The following CAMK1D variants were observed in gnomAD, a reference collection of about 807,000 sequenced individuals.
The protein encoded by CAMK1D is calcium/calmodulin-dependent protein kinase type 1D.
Under a neutral mutation model 47.7 loss-of-function variants are expected in CAMK1D, and 9 were observed. The observed-to-expected ratio is 0.19, with a 90% CI of 0.11 to 0.33. The LOEUF is 0.33. CAMK1D is among the 10% of genes least tolerant of loss of function. CAMK1D has a pLI of 1.00. For missense variants in CAMK1D, 291 were observed against 488.7 expected, an observed-to-expected ratio of 0.60 and a Z score of 3.81; for synonymous variants, 184 against 184.9, an observed-to-expected ratio of 0.99 and a Z score of 0.04.
At chr10:12,463,779 C>T (rs540458055) in intron 1 of CAMK1D, among the ~76,000 whole-genome samples, 31 of 152,050 alleles carry the variant, frequency 2.0e-4, no homozygotes, top group African/African-American at 7.2e-4. Flanking sequence ...CCCCATAATC[C>T]GCAGGTGTCA....
rs372965512 is a variant in CAMK1D, at chr10:12,639,571, TC to T, written c.225-27159del. Among the ~76,000 whole-genome samples, 250 of 152,062 alleles carry T rather than the reference TC, an allele frequency of 1.6e-3. 1 individual carries two copies. The Middle Eastern group carries it at 0.017, about 10-fold the overall frequency. ...AAATTTTTTTTTTAAATTTAATTTT[TC>T]CCCCCAAACCCAAGGAAGCCTCAGG... is the stretch of plus-strand genomic sequence containing the variant. On this transcript the variant is annotated intron_variant, in intron 2 of 10. Transcript: ENST00000619168.
intron 1 of CAMK1D, among the ~76,000 whole-genome samples, chr10:12,517,696 C>T (rs1284595836): frequency 2.6e-5 from 4 of 151,986 alleles, no homozygotes; most frequent in Non-Finnish European, 4.4e-5. Context: ...ATGTTGAACC[C>T]GCTTTGTATT....
chr10:12,606,494 G>A (rs544925633), intron 2 of CAMK1D, among the ~76,000 whole-genome samples: 1 of 152,334 alleles, frequency 6.6e-6, no homozygotes, highest in South Asian at 2.1e-4. Context: ...CCCTCCCTGG[G>A]CAGGGCTCAG....
At chr10:12,753,217 A>G (rs1836069700) in intron 3 of CAMK1D, among the ~76,000 whole-genome samples, 1 of 152,268 alleles carries the variant, frequency 6.6e-6, no homozygotes, top group Admixed American at 6.5e-5. Context: ...GTGCCACTGC[A>G]TACCAAGTAC....
chr10:12,819,999 G>A (rs2482025), intron 8 of CAMK1D, among the ~76,000 whole-genome samples: 114,844 of 151,780 alleles, frequency 0.76, 43,733 homozygotes, highest in East Asian at 0.83. Context: ...GGAAGATTGT[G>A]CTAGGAGGAG....
chr10:12,376,802 G>A (rs959542766), intron 1 of CAMK1D, among the ~76,000 whole-genome samples: 2 of 150,752 alleles, frequency 1.3e-5, no homozygotes, highest in African/African-American at 4.9e-5. Flanking sequence ...CGCCCAGGCT[G>A]GAGTACAGTG....
At chr10:12,805,940 C>A (rs1402975316) in intron 6 of CAMK1D, among the ~76,000 whole-genome samples, 2 of 152,212 alleles carry the variant, frequency 1.3e-5, no homozygotes, top group Non-Finnish European at 2.9e-5. Flanking sequence ...AGACAGAAAC[C>A]AACACGCATG....
At chr10:12,679,630 C>A (rs1416166568) in intron 3 of CAMK1D, among the ~76,000 whole-genome samples, 1 of 152,182 alleles carries the variant, frequency 6.6e-6, no homozygotes, top group Non-Finnish European at 1.5e-5. Flanking sequence ...TTCCTCATGC[C>A]CTGCAAGTGC....
chr10:12,385,749 T>TA (rs1479814938), intron 1 of CAMK1D, among the ~76,000 whole-genome samples: 1 of 145,130 alleles, frequency 6.9e-6, no homozygotes, highest in Non-Finnish European at 1.5e-5. Flanking sequence ...CTTTTTTTTT[T>TA]TTTTTTTTTT....
At chr10:12,498,844 G>T (rs534570308) in intron 1 of CAMK1D, among the ~76,000 whole-genome samples, 2 of 152,252 alleles carry the variant, frequency 1.3e-5, no homozygotes, top group Non-Finnish European at 2.9e-5. Flanking sequence ...GTTCAATTTA[G>T]TACTTTGCAG....
intron 1 of CAMK1D, among the ~76,000 whole-genome samples, chr10:12,504,129 CTG>C (rs375226417): frequency 0.13 from 19,005 of 145,796 alleles, 1,513 homozygotes; most frequent in East Asian, 0.36. Flanking sequence ...GTGTGTGTGT[CTG>C]TGTGTGTGTG....
At chr10:12,404,676 C>G (rs1163730150) in intron 1 of CAMK1D, among the ~76,000 whole-genome samples, 1 of 151,204 alleles carries the variant, frequency 6.6e-6, no homozygotes, top group East Asian at 1.9e-4. Flanking sequence ...CCGTAATGAC[C>G]AAGAAAACTG....
chr10:12,625,734 T>C (rs137867078), intron 2 of CAMK1D, among the ~76,000 whole-genome samples: 306 of 151,860 alleles, frequency 2.0e-3, no homozygotes, highest in African/African-American at 7.3e-3. Context: ...TTTTAATGTG[T>C]GTATTCAGTC....
At chr10:12,622,841 G>A (rs1351660783) in intron 2 of CAMK1D, among the ~76,000 whole-genome samples, 2 of 151,992 alleles carry the variant, frequency 1.3e-5, no homozygotes, top group Non-Finnish European at 2.9e-5. Flanking sequence ...TAGAGGGGAG[G>A]ATGTAGGAGT....
chr10:12,438,378 T>C (rs983873134), intron 1 of CAMK1D, among the ~76,000 whole-genome samples: 2 of 152,254 alleles, frequency 1.3e-5, no homozygotes, highest in Non-Finnish European at 2.9e-5. Flanking sequence ...GATGGAATTA[T>C]ACATGTGGCT....
chr10:12,523,540 G>C, intron 1 of CAMK1D, among the ~76,000 whole-genome samples: 1 of 151,920 alleles, frequency 6.6e-6, no homozygotes, highest in Non-Finnish European at 1.5e-5. Flanking sequence ...GTTAGGAGCT[G>C]GAGACCAGCC....
At chr10:12,666,129 TG>T (rs1840422164) in intron 2 of CAMK1D, among the ~76,000 whole-genome samples, 1 of 152,058 alleles carries the variant, frequency 6.6e-6, no homozygotes, top group Admixed American at 6.5e-5. Context: ...TGAGTAGCAC[TG>T]ATCTAGTTTG....
chr10:12,783,975 A>T (rs185504581), intron 5 of CAMK1D, among the ~76,000 whole-genome samples: 134 of 152,202 alleles, frequency 8.8e-4, no homozygotes, highest in Non-Finnish European at 1.7e-3. Context: ...CTCCTTGGAC[A>T]CTCTGGTGAG....
chr10:12,494,339 T>C (rs1834472840), intron 1 of CAMK1D, among the ~76,000 whole-genome samples: 1 of 152,160 alleles, frequency 6.6e-6, no homozygotes, highest in African/African-American at 2.4e-5. Context: ...CACAGCTTAT[T>C]TTTAGCCATT....
Sources: allele counts gnomAD v4.1 joint callset (sites outside exome capture counted in the v4.1 genomes callset), GRCh38; gene constraint gnomAD v4.1.1; transcripts MANE v1.5; gene names NCBI Gene and HGNC (gene_info 2026-07-23, HGNC 2026-07-21).